Variants in STX8 observed in about 807,000 individuals in gnomAD.
The protein encoded by STX8 is syntaxin 8, also known as syntaxin-8.
A neutral mutation model predicts 37.5 loss-of-function variants in STX8; 23 were observed. The observed-to-expected ratio is 0.61, with a 90% CI of 0.44 to 0.87. The LOEUF (loss-of-function observed/expected upper bound fraction) is 0.87. Ranked by LOEUF, STX8 falls within the 40% of genes least tolerant of loss-of-function variation. The probability of loss-of-function intolerance (pLI) is 0.00; values close to 1 mark genes in which losing one functional copy is unlikely to be tolerated. For synonymous variants in STX8, 115 were observed against 99.1 expected, an observed-to-expected ratio of 1.16 and a Z score of -0.95; for missense variants, 313 against 284.7, an observed-to-expected ratio of 1.10 and a Z score of -0.71.
At chr17:9,319,246 T>C (rs1277765932) in intron 7 of STX8, among the ~76,000 whole-genome samples, 3 of 151,934 alleles carry the variant, frequency 2.0e-5, no homozygotes, top group South Asian at 2.1e-4. Flanking sequence ...AGTGAAACCC[T>C]GTCTCTACTA....
chr17:9,572,153 T>C (rs1907712503), intron 1 of STX8, among the ~76,000 whole-genome samples: 1 of 152,174 alleles, frequency 6.6e-6, no homozygotes, highest in African/African-American at 2.4e-5. Context: ...GTAATTTTTC[T>C]GGAAATGGTA....
Position 9,320,730 on chromosome 17 carries a change from TA to T in STX8, c.643+57821del, listed in dbSNP as rs34009379. ...TAACATGGTGAAACCTCATCTCTATTAAAAAAAAAAAAATACAAAAGTTAGC... is the reference window on the plus strand; with the variant it reads ...TAACATGGTGAAACCTCATCTCTATTAAAAAAAAAAAATACAAAAGTTAGC... On this transcript the variant is annotated intron_variant, in intron 7 of 7. Transcript: ENST00000306357. Among the ~76,000 whole-genome samples the T allele has an allele frequency of 6.1e-3, 873 of 143,298 alleles. 1 individual carries two copies. Among genetic ancestry groups the T allele is most frequent in the African/African-American group, 0.012 (484 of 39,754 alleles). 94.0% of individuals were successfully genotyped at this position (143,298 alleles called of 152,430 possible).
At chr17:9,552,603 A>G (rs1906808445) in intron 3 of STX8, among the ~76,000 whole-genome samples, 1 of 150,568 alleles carries the variant, frequency 6.6e-6, no homozygotes, top group South Asian at 2.1e-4. Flanking sequence ...CTACTTACCT[A>G]TCTTTGTTTT....
intron 7 of STX8, among the ~76,000 whole-genome samples, chr17:9,344,369 G>A (rs538777481): frequency 7.3e-5 from 11 of 151,258 alleles, no homozygotes; most frequent in South Asian, 2.1e-4. Flanking sequence ...CAAGCAATTC[G>A]CCTGCCTCAG....
intron 7 of STX8, among the ~76,000 whole-genome samples, chr17:9,268,175 G>A (rs1361416234): frequency 2.0e-5 from 3 of 151,868 alleles, no homozygotes; most frequent in African/African-American, 7.3e-5. Context: ...CAGAACTAGG[G>A]CGCAACCAAC....
At chr17:9,501,456 C>A (rs1184707639) in intron 5 of STX8, among the ~76,000 whole-genome samples, 1 of 152,074 alleles carries the variant, frequency 6.6e-6, no homozygotes, top group Non-Finnish European at 1.5e-5. Context: ...TTTGGGAGGC[C>A]GAGGTGGGTG....
At chr17:9,478,382 C>A (rs980738730) in intron 6 of STX8, among the ~76,000 whole-genome samples, 2 of 152,138 alleles carry the variant, frequency 1.3e-5, no homozygotes, top group African/African-American at 4.8e-5. Context: ...GTGATCTGCC[C>A]TCCTTGGCCT....
chr17:9,494,130 C>T (rs1214694651), intron 5 of STX8, among the ~76,000 whole-genome samples: 2 of 151,800 alleles, frequency 1.3e-5, no homozygotes, highest in Non-Finnish European at 2.9e-5. Context: ...ATTCTCCTGC[C>T]TCAGCCTCCC....
chr17:9,398,993 G>C (rs1227107416), intron 6 of STX8, among the ~76,000 whole-genome samples: 1 of 150,000 alleles, frequency 6.7e-6, no homozygotes, highest in African/African-American at 2.5e-5. Context: ...AGGTTGCAGT[G>C]AGCCAAGATG....
chr17:9,355,332 C>CT (rs57991262), intron 7 of STX8, among the ~76,000 whole-genome samples: 12,931 of 116,216 alleles, frequency 0.11, 1,211 homozygotes, highest in Admixed American at 0.15. Flanking sequence ...CTTTGTGGAA[C>CT]TTTTTTTTTT....
chr17:9,274,678 A>AAATAATAATAATAATGAT (rs767554242), intron 7 of STX8, among the ~76,000 whole-genome samples: 11 of 106,704 alleles, frequency 1.0e-4, no homozygotes, highest in Middle Eastern at 5.0e-3. Flanking sequence ...TCTGTCTCAA[A>AAATAATAATAATAATGAT]AATAATAATA....
intron 6 of STX8, among the ~76,000 whole-genome samples, chr17:9,470,678 G>A (rs1267680730): frequency 6.6e-6 from 1 of 152,042 alleles, no homozygotes. Flanking sequence ...GTCATATTTG[G>A]TGTAGGCCTC....
At chr17:9,259,996 T>G (rs909885122) in intron 7 of STX8, among the ~76,000 whole-genome samples, 1 of 151,616 alleles carries the variant, frequency 6.6e-6, no homozygotes, top group East Asian at 1.9e-4. Context: ...GGCGGGTGGA[T>G]TGCATGAGCC....
At chr17:9,376,850 C>A (rs1911608278) in intron 7 of STX8, among the ~76,000 whole-genome samples, 1 of 152,212 alleles carries the variant, frequency 6.6e-6, no homozygotes, top group Non-Finnish European at 1.5e-5. Flanking sequence ...AGACCAAGAA[C>A]CCACCTGAAG....
intron 7 of STX8, among the ~76,000 whole-genome samples, chr17:9,297,241 C>CAAAAAAAAA (rs112089232): frequency 2.2e-5 from 2 of 90,890 alleles, no homozygotes; most frequent in East Asian, 4.2e-4. Flanking sequence ...CCAGAGTTTG[C>CAAAAAAAAA]AAAAAAAAAA....
At chr17:9,302,670 G>A (rs1310866891) in intron 7 of STX8, among the ~76,000 whole-genome samples, 1 of 152,078 alleles carries the variant, frequency 6.6e-6, no homozygotes, top group Admixed American at 6.6e-5. Flanking sequence ...CCATGACCTG[G>A]CTTTGACCAA....
chr17:9,535,424 C>CTTTTTTTTTTTTTTTT lies in STX8; in HGVS notation c.323+9732_323+9747dup, dbSNP rs35962202. On this transcript the variant is annotated intron_variant, in intron 4 of 7. Coordinates refer to ENST00000306357, the MANE Select transcript of STX8 (RefSeq NM_004853.3). ...CATACCCTCTGACCCAGCCATCCTA[C>CTTTTTTTTTTTTTTTT]TTTTTTTTTTTTTTTTTTTTTTTTT... is the stretch of plus-strand genomic sequence containing the variant. 1.6e-3 allele frequency among the ~76,000 whole-genome samples: 83 copies of CTTTTTTTTTTTTTTTT among 51,562 alleles called. 13 individuals carry two copies. The highest frequency in any genetic ancestry group is 2.1e-3 in the Non-Finnish European group (62 of 30,014). 33.8% of individuals were successfully genotyped at this position (51,562 alleles called of 152,430 possible).
At chr17:9,406,058 G>T (rs1912791443) in intron 6 of STX8, among the ~76,000 whole-genome samples, 1 of 152,204 alleles carries the variant, frequency 6.6e-6, no homozygotes, top group African/African-American at 2.4e-5. Context: ...TTTTGCACCT[G>T]CTGGCATAGC....
At chr17:9,295,921 T>A (rs1288484874) in intron 7 of STX8, among the ~76,000 whole-genome samples, 5 of 150,520 alleles carry the variant, frequency 3.3e-5, no homozygotes, top group Non-Finnish European at 5.9e-5. Context: ...CCAGGCGCAG[T>A]GGCTCATGCC....
Sources: allele counts gnomAD v4.1 joint callset (sites outside exome capture counted in the v4.1 genomes callset), GRCh38; gene constraint gnomAD v4.1.1; transcripts MANE v1.5; gene names NCBI Gene and HGNC (gene_info 2026-07-23, HGNC 2026-07-21).